DOCK7: variants seen among roughly 807,000 people sequenced by gnomAD.
The protein encoded by DOCK7 is dedicator of cytokinesis protein 7.
Under a neutral mutation model 271.0 loss-of-function variants are expected in DOCK7, and 138 were observed. The ratio of observed to expected loss-of-function variants is 0.51; its 90% CI spans 0.44 to 0.59. The LOEUF is 0.59. Ranked by LOEUF, DOCK7 falls within the 20% of genes least tolerant of loss-of-function variation. DOCK7 has a pLI of 0.00. For synonymous variants in DOCK7, 823 were observed against 876.1 expected (o/e 0.94, Z 1.07); for missense variants, 2,066 against 2,592.4 (o/e 0.80, Z 4.41).
intron 48 of DOCK7, among the ~76,000 whole-genome samples, chr1:62,470,774 T>C (rs576360725): frequency 1.3e-5 from 2 of 152,082 alleles, no homozygotes; most frequent in Admixed American, 6.6e-5. Flanking sequence ...TTGGGCAACA[T>C]AGCGAGACTC....
At chr1:62,642,767 T>C (rs1317014391) in intron 7 of DOCK7, among the ~76,000 whole-genome samples, 1 of 152,234 alleles carries the variant, frequency 6.6e-6, no homozygotes, top group Non-Finnish European at 1.5e-5. Context: ...CCTAAAATCT[T>C]TCTTCCTGAA....
chr1:62,680,179 C>T (rs1207364965), intron 1 of DOCK7, among the ~76,000 whole-genome samples: 1 of 152,070 alleles, frequency 6.6e-6, no homozygotes, highest in East Asian at 1.9e-4. Context: ...GGTACTGGTA[C>T]CAAAACAGAA....
intron 1 of DOCK7, among the ~76,000 whole-genome samples, chr1:62,676,694 A>G (rs1660579178): frequency 6.6e-6 from 1 of 152,202 alleles, no homozygotes; most frequent in South Asian, 2.1e-4. Flanking sequence ...ACTCCGTACC[A>G]CGATCCTGTA....
At chr1:62,612,510 A>G (rs1651920106) in intron 14 of DOCK7, among the ~76,000 whole-genome samples, 1 of 152,144 alleles carries the variant, frequency 6.6e-6, no homozygotes, top group Non-Finnish European at 1.5e-5. Context: ...AAATCTGCAC[A>G]TTCTGCACTT....
At chr1:62,604,215 ACTG>A in intron 14 of DOCK7, 1 of 1,613,280 alleles carries the variant, frequency 6.2e-7, no homozygotes, top group Non-Finnish European at 8.5e-7. Flanking sequence ...GGACACTTCA[ACTG>A]TCCAGAGGGT....
intron 1 of DOCK7, among the ~76,000 whole-genome samples, chr1:62,666,193 C>T (rs1659300196): frequency 6.6e-6 from 1 of 151,926 alleles, no homozygotes; most frequent in Non-Finnish European, 1.5e-5. Context: ...TTTAAAAAAT[C>T]ACTAATTGTT....
At chr1:62,463,659 A>T (rs1645593567) in intron 48 of DOCK7, among the ~76,000 whole-genome samples, 1 of 152,212 alleles carries the variant, frequency 6.6e-6, no homozygotes, top group Non-Finnish European at 1.5e-5. Context: ...TATATCTCAC[A>T]AACACTGAAA....
In DOCK7 at chr1:62,634,659, CA is replaced by C. The variant is rs2149634337; in HGVS notation, c.1035+113del. On this transcript the variant is annotated intron_variant, in intron 9 of 49. Transcript: ENST00000635253. ...TGTCCAATATTGTGTTAAAGAATAT[CA>C]AGATGAAAAAAATATGTAAAGGTCA... 7 of 1,125,088 alleles carry C rather than the reference CA, an allele frequency of 6.2e-6. No homozygotes were observed. In the South Asian group the frequency reaches 1.1e-4, roughly 18 times the overall value. 69.7% of individuals were successfully genotyped at this position (1,125,088 alleles called of 1,614,324 possible). A position where few individuals can be genotyped will look rare whatever the true frequency, so the allele number is the denominator to read the frequency against.
Position 62,475,214 on chromosome 1 carries a change from C to A in DOCK7, c.6099G>T (p.Val2033=). The A allele has an allele frequency of 1.2e-6, 2 of 1,613,202 alleles. No homozygotes were observed. The highest frequency in any genetic ancestry group is 8.5e-7 in the Non-Finnish European group (1 of 1,179,690). The change falls in exon 47 of 50, where the codon GTG becomes GTT. Residue 2033 remains valine (V), a synonymous_variant. Transcript: ENST00000635253. ...MVLQGSVGTT[V]NQGPLEVAQV... ...GCTAGCAAAAAGCACTAACCTGATT[C>A]ACTGTGGTGCCTACAGATCCCTGGA...
At chr1:62,668,673 G>A (rs891804716) in intron 1 of DOCK7, among the ~76,000 whole-genome samples, 2 of 152,038 alleles carry the variant, frequency 1.3e-5, no homozygotes, top group Non-Finnish European at 2.9e-5. Context: ...CAGGAGGATC[G>A]CTTGAGCCCA....
intron 1 of DOCK7, among the ~76,000 whole-genome samples, chr1:62,670,194 G>A (rs910187055): frequency 7.2e-5 from 11 of 152,336 alleles, no homozygotes; most frequent in Middle Eastern, 3.4e-3. Context: ...GCTCCTTTGC[G>A]GCCCGAGCCT....
chr1:62,563,097 G>GC (rs1049004923), intron 18 of DOCK7, among the ~76,000 whole-genome samples: 3 of 152,048 alleles, frequency 2.0e-5, no homozygotes, highest in African/African-American at 4.8e-5. Flanking sequence ...GTAACAAGGT[G>GC]CCCCCCTCCC....
At chr1:62,586,898 C>G (rs1291813328) in intron 14 of DOCK7, among the ~76,000 whole-genome samples, 5 of 152,094 alleles carry the variant, frequency 3.3e-5, no homozygotes, top group South Asian at 2.1e-4. Context: ...AAGCTGAAAT[C>G]AGAGTAAAGG....
At chr1:62,463,776 A>G (rs185519312) in intron 48 of DOCK7, among the ~76,000 whole-genome samples, 1 of 152,312 alleles carries the variant, frequency 6.6e-6, no homozygotes, top group Non-Finnish European at 1.5e-5. Context: ...ACAAGAAAGG[A>G]AATGATAAAT....
rs560415265 is a variant in DOCK7, at chr1:62,485,711, G to A, written c.5508+1687C>T. 1.6e-5 allele frequency: 16 copies of A among 983,460 alleles called. No individual in the cohort carries two copies. The South Asian group carries it at 5.6e-4, about 35-fold the overall frequency. 60.9% of individuals were successfully genotyped at this position (983,460 alleles called of 1,614,324 possible). A position where few individuals can be genotyped will look rare whatever the true frequency, so the allele number is the denominator to read the frequency against. On this transcript the variant is annotated intron_variant, in intron 43 of 49. Transcript: ENST00000635253. ...GTAGGGTCAGCAACCAGGGACAAGA[G>A]AGAAGAGAAAACAGAAAGCATTTTA... is the stretch of plus-strand genomic sequence containing the variant.
intron 22 of DOCK7, among the ~76,000 whole-genome samples, chr1:62,551,103 TA>T (rs1383664821): frequency 6.6e-6 from 1 of 151,922 alleles, no homozygotes; most frequent in African/African-American, 2.4e-5. Context: ...TGAGACACAG[TA>T]AAAAGGTTGG....
At chr1:62,660,706 T>C (rs558929692) in intron 2 of DOCK7, among the ~76,000 whole-genome samples, 271 of 152,282 alleles carry the variant, frequency 1.8e-3, no homozygotes, top group Non-Finnish European at 3.5e-3. Context: ...GCAGCATTAT[T>C]CACAATAGCC....
At chr1:62,456,568 C>T (rs1161208520) in intron 49 of DOCK7, among the ~76,000 whole-genome samples, 2 of 152,044 alleles carry the variant, frequency 1.3e-5, no homozygotes, top group Non-Finnish European at 2.9e-5. Flanking sequence ...TCAAAACTGC[C>T]TACATATGTT....
chr1:62,644,118 T>C (rs924791411), intron 7 of DOCK7, among the ~76,000 whole-genome samples: 1 of 152,206 alleles, frequency 6.6e-6, no homozygotes, highest in Non-Finnish European at 1.5e-5. Context: ...ACTTTACCTG[T>C]AGAAATATTT....
Sources: gnomAD v4.1 joint callset for allele counts (sites outside exome capture counted in the v4.1 genomes callset) on GRCh38, gnomAD v4.1.1 for gene constraint, MANE v1.5 for transcripts, NCBI Gene and HGNC (gene_info 2026-07-23, HGNC 2026-07-21) for gene names.